The following WWTR1 variants were observed in gnomAD, a reference collection of about 807,000 sequenced individuals.
WWTR1 encodes WW domain containing transcription regulator 1.
A neutral mutation model predicts 40.1 loss-of-function variants in WWTR1; 13 were observed. The observed-to-expected ratio is 0.32, with a 90% CI of 0.21 to 0.52. The LOEUF is 0.52. WWTR1 is among the 20% of genes least tolerant of loss of function. The probability of loss-of-function intolerance (pLI) is 0.97; values close to 1 mark genes in which losing one functional copy is unlikely to be tolerated. For missense variants in WWTR1, 436 were observed against 523.1 expected (o/e 0.83, Z 1.63); for synonymous variants, 230 against 210.1 (o/e 1.09, Z -0.82).
chr3:149,520,818 A>G lies in WWTR1; in HGVS notation c.1190T>C (p.Leu397Pro). ...ESALNKSEPFLTWL is the reference protein window; with the variant it reads ...ESALNKSEPFPTWL ...CAATGGTAGTGATTACAGCCAGGTT[A>G]GAAAGGGCTCACTTTTGTTCAGAGC... Residue 397 changes from leucine (L) to proline (P), a missense_variant, in exon 7 of 7, where the codon CTA becomes CCA. Transcript: ENST00000360632. 6.3e-7 allele frequency: 1 copy of G among 1,595,490 alleles called. No individual in the cohort carries two copies. Among genetic ancestry groups the G allele is most frequent in the South Asian group, 1.1e-5 (1 of 87,274 alleles).
intron 1 of WWTR1, among the ~76,000 whole-genome samples, chr3:149,689,540 A>T (rs1373300582): frequency 6.6e-6 from 1 of 152,058 alleles, no homozygotes; most frequent in African/African-American, 2.4e-5. Flanking sequence ...CACATAAAGG[A>T]GTTCCAGTGG....
At chr3:149,570,062 T>A (rs1737545709) in intron 3 of WWTR1, among the ~76,000 whole-genome samples, 1 of 152,256 alleles carries the variant, frequency 6.6e-6, no homozygotes, top group African/African-American at 2.4e-5. Context: ...TGAAATAGTC[T>A]GAGTAAATCA....
intron 5 of WWTR1, among the ~76,000 whole-genome samples, chr3:149,712,584 T>C (rs1338952797): frequency 6.6e-6 from 1 of 152,214 alleles, no homozygotes; most frequent in Non-Finnish European, 1.5e-5. Context: ...GAAAAGTAAG[T>C]GCGACCTGCA....
intron 3 of WWTR1, among the ~76,000 whole-genome samples, chr3:149,564,873 T>C (rs115633930): frequency 1.3e-5 from 2 of 152,332 alleles, no homozygotes; most frequent in Non-Finnish European, 2.9e-5. Flanking sequence ...TCTATATCCA[T>C]TATTTCACTG....
intron 1 of WWTR1, among the ~76,000 whole-genome samples, chr3:149,688,568 G>T (rs1714723382): frequency 6.6e-6 from 1 of 152,194 alleles, no homozygotes; most frequent in East Asian, 1.9e-4. Flanking sequence ...TGGCATTACT[G>T]GGATTGGGGT....
At chr3:149,630,792 G>A (rs901662428) in intron 2 of WWTR1, among the ~76,000 whole-genome samples, 1 of 152,096 alleles carries the variant, frequency 6.6e-6, no homozygotes, top group Non-Finnish European at 1.5e-5. Context: ...CTGCAGTCAC[G>A]CCAGGAATGA....
At chr3:149,578,297 A>G (rs752034817) in intron 2 of WWTR1, among the ~76,000 whole-genome samples, 5 of 152,236 alleles carry the variant, frequency 3.3e-5, no homozygotes, top group Admixed American at 2.6e-4. Context: ...TGCATGAGAC[A>G]GGGGTAAAAA....
chr3:149,572,736 CT>C, intron 3 of WWTR1, 127 bp downstream of exon 3: 1 of 1,155,552 alleles, frequency 8.7e-7, no homozygotes. Context: ...TATCGCAGCA[CT>C]TTGGGAGACT....
At chr3:149,625,124 T>G (rs1427179332) in intron 2 of WWTR1, among the ~76,000 whole-genome samples, 8 of 145,976 alleles carry the variant, frequency 5.5e-5, no homozygotes, top group Non-Finnish European at 1.2e-4. Context: ...TTTTTTTGGT[T>G]TTTTTGGTTT....
chr3:149,713,515 G>A (rs578261573), intron 5 of WWTR1, among the ~76,000 whole-genome samples: 3 of 152,050 alleles, frequency 2.0e-5, no homozygotes, highest in African/African-American at 7.2e-5. Flanking sequence ...CAAGTAGCTG[G>A]GATTACAGGT....
chr3:149,670,934 T>A (rs1714067071), intron 1 of WWTR1: 1 of 152,182 alleles, frequency 6.6e-6, no homozygotes. Context: ...TTCAACTCAG[T>A]TTGTGGCTGG....
At chr3:149,593,364 C>T (rs1219519925) in intron 2 of WWTR1, among the ~76,000 whole-genome samples, 1 of 151,862 alleles carries the variant, frequency 6.6e-6, no homozygotes, top group African/African-American at 2.4e-5. Context: ...ATTGATTGTA[C>T]ATGCCCTCGT....
At chr3:149,542,749 G>A (rs920887562) in intron 3 of WWTR1, among the ~76,000 whole-genome samples, 8 of 151,996 alleles carry the variant, frequency 5.3e-5, no homozygotes, top group African/African-American at 1.9e-4. Context: ...ATCTAGCCTC[G>A]GCTTTTGTTT....
At chr3:149,521,315 T>A (rs915621086) in intron 6 of WWTR1, among the ~76,000 whole-genome samples, 2 of 152,224 alleles carry the variant, frequency 1.3e-5, no homozygotes, top group African/African-American at 4.8e-5. Flanking sequence ...AAACAGCTTA[T>A]TACAGAACTA....
intron 4 of WWTR1, among the ~76,000 whole-genome samples, chr3:149,722,922 T>C (rs760753226): frequency 6.6e-6 from 1 of 152,108 alleles, no homozygotes; most frequent in Non-Finnish European, 1.5e-5. Context: ...TATTGTTTTA[T>C]TGACTTTCAC....
chr3:149,627,029 T>C (rs1740576881), intron 2 of WWTR1, among the ~76,000 whole-genome samples: 1 of 152,148 alleles, frequency 6.6e-6, no homozygotes, highest in South Asian at 2.1e-4. Context: ...AGAAGTTTCT[T>C]AGGGACCTAG....
rs559530057 is a variant in WWTR1 at position 149,721,848 on chromosome 3, G to A, written n.459+2232C>T. Among the ~76,000 whole-genome samples the A allele has an allele frequency of 7.2e-5, 11 of 152,282 alleles. No homozygotes were observed. The South Asian group carries it at 2.3e-3, about 32-fold the overall frequency. On this transcript the variant is annotated intron_variant and non_coding_transcript_variant, in intron 4 of 6. Transcript: ENST00000474080. The stretch of plus-strand genomic sequence containing the variant: ...TGAGTAGGTGAGACTACAGTTGCAT[G>A]CCACTGTGCAGGGATTTTATTTCAT...
chr3:149,707,819 T>C (rs982864516), upstream of WWTR1, among the ~76,000 whole-genome samples: 7 of 151,322 alleles, frequency 4.6e-5, no homozygotes, highest in African/African-American at 1.2e-4. Flanking sequence ...CAATAGTCTC[T>C]ACCGCCTGCT....
At chr3:149,670,784 C>T (rs932980783) in intron 1 of WWTR1, 1 of 152,180 alleles carries the variant, frequency 6.6e-6, no homozygotes, top group African/African-American at 2.4e-5. Flanking sequence ...AGAGCTTCCT[C>T]TCTCCAGTCA....
Sources: allele counts gnomAD v4.1 joint callset (sites outside exome capture counted in the v4.1 genomes callset), GRCh38; gene constraint gnomAD v4.1.1; transcripts MANE v1.5; gene names NCBI Gene and HGNC (gene_info 2026-07-23, HGNC 2026-07-21).